The following B4GALNT3 variants were observed in gnomAD, a reference collection of about 807,000 sequenced individuals.
The protein encoded by B4GALNT3 is beta-1,4-N-acetyl-galactosaminyltransferase 3.
A neutral mutation model predicts 120.2 loss-of-function variants in B4GALNT3; 86 were observed. The ratio of observed to expected loss-of-function variants is 0.72; its 90% CI spans 0.60 to 0.86. The LOEUF (loss-of-function observed/expected upper bound fraction) is 0.86, where lower values mean the gene tolerates loss of function less well. Among genes scored for constraint, B4GALNT3 ranks in the 40% least tolerant of loss-of-function variants. B4GALNT3 has a pLI of 0.00. For missense variants in B4GALNT3, 1,167 were observed against 1,298.9 expected (o/e 0.90, Z 1.56); for synonymous variants, 518 against 510.4 (o/e 1.01, Z -0.20).
chr12:558,970 G>A (rs1947192216), intron 18 of B4GALNT3, among the ~76,000 whole-genome samples: 1 of 151,892 alleles, frequency 6.6e-6, no homozygotes, highest in South Asian at 2.1e-4. Context: ...AGATGGGAAA[G>A]GTAGCCTCCC....
chr12:559,395 C>T lies in B4GALNT3; in HGVS notation c.2862C>T (p.Gly954=), dbSNP rs200536520. The T allele has an allele frequency of 7.1e-5, 114 of 1,613,716 alleles. No individual in the cohort carries two copies. Among genetic ancestry groups the T allele is most frequent in the South Asian group, 9.9e-5 (9 of 91,070 alleles). The change falls in exon 19 of 20, where the codon GGC becomes GGT. Residue 954 remains glycine (G), a synonymous_variant. Transcript: ENST00000266383. ...CCAAGGAGTTCCGAGACCGCTGGGG[C>T]GGGGAAGACTGGGAGCTGCTGGACA... ...MNTKEFRDRW[G]GEDWELLDRI...
chr12:492,131 A>G (rs1485702761), intron 1 of B4GALNT3, among the ~76,000 whole-genome samples: 1 of 152,076 alleles, frequency 6.6e-6, no homozygotes, highest in Non-Finnish European at 1.5e-5. Context: ...GTCCTATCTA[A>G]TGCAATAAGA....
At chr12:555,382 G>A (rs757857458) in intron 14 of B4GALNT3, 2 of 456,818 alleles carry the variant, frequency 4.4e-6, no homozygotes, top group Non-Finnish European at 8.8e-6. Context: ...TATTCACTTA[G>A]CACAAGTTTC....
chr12:490,416 A>C (rs1234732873), intron 1 of B4GALNT3, among the ~76,000 whole-genome samples: 2 of 152,174 alleles, frequency 1.3e-5, no homozygotes, highest in African/African-American at 4.8e-5. Flanking sequence ...ATCACTACAG[A>C]TCTCATGGAC....
chr12:534,003 C>T (rs570211114), intron 1 of B4GALNT3, among the ~76,000 whole-genome samples: 1 of 152,344 alleles, frequency 6.6e-6, no homozygotes, highest in South Asian at 2.1e-4. Context: ...TGTGACACTT[C>T]TGCCTACTGT....
At chr12:527,644 C>T (rs1201179527) in intron 1 of B4GALNT3, among the ~76,000 whole-genome samples, 2 of 59,666 alleles carry the variant, frequency 3.4e-5, no homozygotes, top group East Asian at 1.2e-3. Context: ...CCTCACTTGC[C>T]CCCCCACCAT....
At chr12:536,860 C>T (rs1451557482) in intron 3 of B4GALNT3, among the ~76,000 whole-genome samples, 1 of 152,192 alleles carries the variant, frequency 6.6e-6, no homozygotes, top group Non-Finnish European at 1.5e-5. Context: ...ACTTTCATGG[C>T]CATGCCAATC....
Position 558,075 on chromosome 12 carries a change from T to C in B4GALNT3, c.2594T>C (p.Ile865Thr), listed in dbSNP as rs1947180271. ...CGCTCAGCTGGACTTCAGGCTGGCA[T>C]AGACCTCGTGAAGGTAAAGGGCCTG... is the stretch of plus-strand genomic sequence containing the variant. ...FERSAGLQAG[I>T]DLVKDPHSII... The change falls in exon 17 of 20, where the codon ATA becomes ACA. Residue 865 changes from isoleucine to threonine, a missense_variant. Transcript: ENST00000266383. The C allele has an allele frequency of 6.2e-7, 1 of 1,613,746 alleles. No individual in the cohort carries two copies. The highest frequency in any genetic ancestry group is 1.7e-5 in the Admixed American group (1 of 60,006).
At chr12:518,198 G>A (rs1946674599) in intron 1 of B4GALNT3, among the ~76,000 whole-genome samples, 1 of 152,136 alleles carries the variant, frequency 6.6e-6, no homozygotes, top group African/African-American at 2.4e-5. Context: ...AAAGTGGCAG[G>A]GTGGGAATTC....
At position 550,902 on chromosome 12, in the gene B4GALNT3, T is replaced by A. The variant is rs750105211; in HGVS notation, c.998-20T>A. On this transcript the variant is annotated intron_variant, in intron 10 of 19. Coordinates refer to ENST00000266383, the MANE Select transcript of B4GALNT3 (RefSeq NM_173593.4). The surrounding 1 kb of genome is among the most constrained non-coding windows in gnomAD (Gnocchi z 4.1). ...TCGTGCTCACCCTCACCCTCACTCC[T>A]CCTCCTCCACTGTCCTCAGTGCCTC... is the stretch of plus-strand genomic sequence containing the variant. 6.3e-7 allele frequency: 1 copy of A among 1,580,894 alleles called. No homozygotes were observed. The highest frequency in any genetic ancestry group is 8.7e-7 in the Non-Finnish European group (1 of 1,150,204).
intron 1 of B4GALNT3, among the ~76,000 whole-genome samples, chr12:518,811 T>C (rs1946681370): frequency 1.3e-5 from 2 of 152,388 alleles, no homozygotes; most frequent in South Asian, 4.1e-4. Flanking sequence ...TATTTTTAAC[T>C]TGTATTTTCT....
At chr12:479,762 G>A (rs911927944) in intron 1 of B4GALNT3, among the ~76,000 whole-genome samples, 2 of 151,772 alleles carry the variant, frequency 1.3e-5, no homozygotes, top group Non-Finnish European at 2.9e-5. Flanking sequence ...GGCTGGAGGG[G>A]AACACCGTGT....
intron 1 of B4GALNT3, among the ~76,000 whole-genome samples, chr12:487,736 G>T (rs190792561): frequency 6.7e-6 from 1 of 149,070 alleles, no homozygotes; most frequent in Admixed American, 6.7e-5. Context: ...AGAAAGAAAA[G>T]AAGAAGAAGA....
intron 1 of B4GALNT3, among the ~76,000 whole-genome samples, chr12:520,317 T>A (rs758786): frequency 0.6 from 91,484 of 151,654 alleles, 28,223 homozygotes; most frequent in East Asian, 0.84. Flanking sequence ...GGCTGAGGAC[T>A]ATAGAGATCT....
chr12:553,187 A>G lies in B4GALNT3; in HGVS notation c.1271-7A>G. 6.2e-7 allele frequency: 1 copy of G among 1,608,422 alleles called. No individual in the cohort carries two copies. Among genetic ancestry groups the G allele is most frequent in the Non-Finnish European group, 8.5e-7 (1 of 1,176,080 alleles). On this transcript the variant is annotated splice_polypyrimidine_tract_variant and splice_region_variant and intron_variant, in intron 13 of 19. Transcript: ENST00000266383. ...TTGACATGAGGAATGGTTGTTATTAATAGCAGGTTTTGAGGAAAACCTTCT... is the reference window on the plus strand; with the variant it reads ...TTGACATGAGGAATGGTTGTTATTAGTAGCAGGTTTTGAGGAAAACCTTCT...
chr12:464,024 AG>A (rs1946052199), intron 1 of B4GALNT3, among the ~76,000 whole-genome samples: 1 of 152,342 alleles, frequency 6.6e-6, no homozygotes, highest in African/African-American at 2.4e-5. Context: ...GTTCTGGAAC[AG>A]GGTCCTGACG....
At position 546,675 on chromosome 12, in the gene B4GALNT3, G is replaced by A. The variant is rs1286351350; in HGVS notation, c.669G>A (p.Glu223=). ...GAAAGGAGTGGACCGCCCCGGGAGA[G>A]TTTGGGAAATTTCGGAGCCAAATTT... ...KTGKEWTAPG[E]FGKFRSQISK... The change falls in exon 7 of 20, where the codon GAG becomes GAA. Residue 223 remains glutamate, a synonymous_variant. Coordinates refer to ENST00000266383, the MANE Select transcript of B4GALNT3 (RefSeq NM_173593.4). 6.4e-7 allele frequency: 1 copy of A among 1,551,550 alleles called. No individual in the cohort carries two copies. The highest frequency in any genetic ancestry group is 8.7e-7 in the Non-Finnish European group (1 of 1,146,906).
chr12:552,796 G>T, intron 13 of B4GALNT3: 1 of 534,634 alleles, frequency 1.9e-6, no homozygotes, highest in Non-Finnish European at 3.3e-6. Flanking sequence ...TTGGACTGCT[G>T]GAGGGGCTTG....
chr12:560,279 C>G (rs12368148), intron 19 of B4GALNT3, among the ~76,000 whole-genome samples: 9,412 of 152,186 alleles, frequency 0.062, 357 homozygotes, highest in Non-Finnish European at 0.086. Context: ...GGGACCTCGA[C>G]ACGAAGACAC....
Sources: gnomAD v4.1 joint callset for allele counts (sites outside exome capture counted in the v4.1 genomes callset) on GRCh38, gnomAD v4.1.1 for gene constraint, Gnocchi (gnomAD v3.1) non-coding constraint, MANE v1.5 for transcripts, NCBI Gene and HGNC (gene_info 2026-07-23, HGNC 2026-07-21) for gene names.